Variants in LSM11 observed in about 807,000 individuals in gnomAD.
LSM11 encodes the protein LSM11, U7 small nuclear RNA associated.
LSM11 carries 14 observed loss-of-function variants against 28.1 expected under a neutral mutation model. The observed-to-expected ratio is 0.50, with a 90% CI of 0.33 to 0.78. The LOEUF (loss-of-function observed/expected upper bound fraction) is 0.78. LSM11 is among the 30% of genes least tolerant of loss of function. The pLI, the probability that LSM11 is intolerant of heterozygous loss-of-function variation, is 0.02. For synonymous variants in LSM11, 207 were observed against 214.2 expected, an observed-to-expected ratio of 0.97 and a Z score of 0.30; for missense variants, 495 against 510.6, an observed-to-expected ratio of 0.97 and a Z score of 0.30.
chr5:157,746,493 C>A (rs1234207455), intron 1 of LSM11, among the ~76,000 whole-genome samples: 3 of 152,174 alleles, frequency 2.0e-5, no homozygotes, highest in Admixed American at 2.0e-4. Context: ...TATGAAAAAA[C>A]AAGGAGTGCA....
intron 1 of LSM11, among the ~76,000 whole-genome samples, chr5:157,750,115 G>A (rs1031100779): frequency 5.3e-5 from 8 of 152,082 alleles, no homozygotes; most frequent in African/African-American, 1.2e-4. Context: ...TTGGGGGTGC[G>A]TAGTGCGTGC....
At position 157,757,093 on chromosome 5, in the gene LSM11, G is replaced by A. The variant is rs1057480622; in HGVS notation, c.*1829G>A. On this transcript the variant is annotated 3_prime_UTR_variant, in exon 4 of 4. Transcript: ENST00000286307. ...AGGCAGGAGAATGGGGTGAACCCGG[G>A]AGGCGGAGCTTGCAGTGAGCCAAGA... The A allele has an allele frequency of 2.6e-5, 4 of 152,072 alleles. No homozygotes were observed. The highest frequency in any genetic ancestry group is 7.2e-5 in the African/African-American group (3 of 41,390). The allele number at this position is 152,072 out of a possible 1,614,324, so 9.4% of individuals were successfully genotyped here.
In LSM11 at chr5:157,751,417, T is replaced by C; in HGVS notation, c.476T>C (p.Leu159Pro). ...CACGAAGGCAGCCCTCTGGGTGAAC[T>C]CCATCGCTGTATCCGTGAGGGGGTG... Reference protein sequence around the residue: ...PLHEGSPLGELHRCIREGVKV... With the variant: ...PLHEGSPLGEPHRCIREGVKV... Residue 159 changes from leucine to proline, a missense_variant, in exon 2 of 4, where the codon CTC becomes CCC. Physicochemically the swap from Leu to Pro is moderately conservative, Grantham distance 98. Coordinates refer to ENST00000286307, the MANE Select transcript of LSM11 (RefSeq NM_173491.4). 1 of 1,605,070 alleles carries C rather than the reference T, an allele frequency of 6.2e-7. No homozygotes were observed. Among genetic ancestry groups the C allele is most frequent in the Non-Finnish European group, 8.5e-7 (1 of 1,176,802 alleles).
In LSM11 at chr5:157,749,317, G is replaced by C. The variant is rs1246933034; in HGVS notation, c.449-2073G>C. 2.0e-5 allele frequency among the ~76,000 whole-genome samples: 3 copies of C among 152,136 alleles called. No individual in the cohort carries two copies. The East Asian group carries it at 5.8e-4, about 29-fold the overall frequency. On this transcript the variant is annotated intron_variant, in intron 1 of 3. Transcript: ENST00000286307. ...TCTTTGTATAAACATACATCATAGGGCAGGGGGCAGTATATATGTATGTGT... is the reference window on the plus strand; with the variant it reads ...TCTTTGTATAAACATACATCATAGGCCAGGGGGCAGTATATATGTATGTGT...
Position 157,754,992 on chromosome 5 carries a change from G to A in LSM11, c.811G>A (p.Gly271Ser), listed in dbSNP as rs1248813352. ...TTCAGTGTGGGGAAGAGCAGACACT[G>A]GCCGGGGCTCACACAAGCGTTCCCG... ...LASVWGRADT[G>S]RGSHKRSRSV... is the part of the protein sequence containing the mutation. The change falls in exon 4 of 4, where the codon GGC becomes AGC. Residue 271 changes from glycine (G) to serine (S), a missense_variant. Transcript: ENST00000286307. 1 of 1,614,230 alleles carries A rather than the reference G, an allele frequency of 6.2e-7. No homozygotes were observed. The highest frequency in any genetic ancestry group is 8.5e-7 in the Non-Finnish European group (1 of 1,180,032).
At chr5:157,754,370 C>T (rs1363485895) in intron 3 of LSM11, among the ~76,000 whole-genome samples, 1 of 152,116 alleles carries the variant, frequency 6.6e-6, no homozygotes, top group Non-Finnish European at 1.5e-5. Flanking sequence ...TTTCTCTTGA[C>T]ATATGTATTA....
Position 157,754,931 on chromosome 5 carries a change from G to C in LSM11, c.750G>C (p.Leu250=). The change falls in exon 4 of 4, where the codon CTG becomes CTC. Residue 250 remains leucine, a synonymous_variant. Transcript: ENST00000286307. ...AGTCTGCAGTTGAAGATTCCACTCT[G>C]TCTAGATACTCACAGACATCCACTT... ...DSKSAVEDST[L]SRYSQTSTWK... 1 of 1,614,208 alleles carries C rather than the reference G, an allele frequency of 6.2e-7. No homozygotes were observed. The highest frequency in any genetic ancestry group is 1.1e-5 in the South Asian group (1 of 91,088).
Position 157,757,759 on chromosome 5 carries a change from T to A in LSM11, c.*2495T>A, listed in dbSNP as rs544863059. 26 of 152,368 alleles carry A rather than the reference T, an allele frequency of 1.7e-4. No homozygotes were observed. Among genetic ancestry groups the A allele is most frequent in the Admixed American group, 1.4e-3 (21 of 15,304 alleles). 9.4% of individuals were successfully genotyped at this position (152,368 alleles called of 1,614,324 possible). ...CTCGGCTAGAATGATGTACTCTACTTTCCCAATAAGGTAGAAATTTGGAAT... is the reference window on the plus strand; with the variant it reads ...CTCGGCTAGAATGATGTACTCTACTATCCCAATAAGGTAGAAATTTGGAAT... On this transcript the variant is annotated 3_prime_UTR_variant, in exon 4 of 4. Transcript: ENST00000286307.
intron 1 of LSM11, among the ~76,000 whole-genome samples, chr5:157,749,588 G>GCGCACACACA (rs745839236): frequency 1.4e-5 from 2 of 142,388 alleles, no homozygotes; most frequent in African/African-American, 5.3e-5. Context: ...GCGCACGCGC[G>GCGCACACACA]CACACACACA....
In LSM11 at chr5:157,751,448, G is replaced by A; in HGVS notation, c.507G>A (p.Val169=). 1 of 1,612,608 alleles carries A rather than the reference G, an allele frequency of 6.2e-7. No homozygotes were observed. Among genetic ancestry groups the A allele is most frequent in the Non-Finnish European group, 8.5e-7 (1 of 1,179,498 alleles). The part of the protein sequence containing the change: ...LHRCIREGVK[V]NVHIRTFKGL... ...GCTGTATCCGTGAGGGGGTGAAGGT[G>A]AATGTTCACATCCGCACTTTCAAGG... Residue 169 remains valine (V), a synonymous_variant, in exon 2 of 4, where the codon GTG becomes GTA. Transcript: ENST00000286307.
At chr5:157,752,162 CTTTT>C (rs3045954) in intron 2 of LSM11, among the ~76,000 whole-genome samples, 1 of 140,102 alleles carries the variant, frequency 7.1e-6, no homozygotes, top group Non-Finnish European at 1.6e-5. Flanking sequence ...TGCATGATGT[CTTTT>C]TTTTTTTTTT....
chr5:157,751,419 C>T lies in LSM11; in HGVS notation c.478C>T (p.His160Tyr), dbSNP rs1761229308. ...LHEGSPLGEL[H>Y]RCIREGVKVN... ...CGAAGGCAGCCCTCTGGGTGAACTC[C>T]ATCGCTGTATCCGTGAGGGGGTGAA... is the stretch of plus-strand genomic sequence containing the variant. Residue 160 changes from histidine to tyrosine, a missense_variant, in exon 2 of 4, where the codon CAT (histidine) becomes TAT (tyrosine). His to Tyr is a moderately conservative substitution (Grantham distance 83). Transcript: ENST00000286307. 6.2e-7 allele frequency: 1 copy of T among 1,607,532 alleles called. No individual in the cohort carries two copies. The highest frequency in any genetic ancestry group is 8.5e-7 in the Non-Finnish European group (1 of 1,177,846).
rs546203636 is a variant in LSM11, at chr5:157,745,457, T to G, written c.448+1259T>G. The stretch of plus-strand genomic sequence containing the variant: ...GCCTGGCTGTAACACAAAGACAGTA[T>G]GCTTGTTCCCAAAATGAGAGCAGTT... On this transcript the variant is annotated intron_variant, in intron 1 of 3. Coordinates refer to ENST00000286307, the MANE Select transcript of LSM11 (RefSeq NM_173491.4). 3.9e-5 allele frequency among the ~76,000 whole-genome samples: 6 copies of G among 152,370 alleles called. No homozygotes were observed. The South Asian group carries it at 6.2e-4, about 16-fold the overall frequency.
intron 1 of LSM11, chr5:157,747,630 A>C (rs976358086): frequency 2.5e-5 from 5 of 197,652 alleles, no homozygotes; most frequent in African/African-American, 1.2e-4. Context: ...TGATTGCTGA[A>C]ATAATTTCCC....
Position 157,754,026 on chromosome 5 carries a change from C to T in LSM11, c.611C>T (p.Thr204Ile). ...WNMALTDVDETYRKPVLGKAY... is the reference protein window; with the variant it reads ...WNMALTDVDEIYRKPVLGKAY... ...TAGGCACTTACTGATGTGGATGAGA[C>T]CTACCGAAAACCTGTCCTAGGCAAA... Residue 204 changes from threonine to isoleucine, a missense_variant, in exon 3 of 4, where the codon ACC becomes ATC. Coordinates refer to ENST00000286307, the MANE Select transcript of LSM11 (RefSeq NM_173491.4). 1 of 1,578,164 alleles carries T rather than the reference C, an allele frequency of 6.3e-7. No individual in the cohort carries two copies. The highest frequency in any genetic ancestry group is 8.6e-7 in the Non-Finnish European group (1 of 1,163,290).
chr5:157,745,206 C>A (rs1257323132), intron 1 of LSM11, among the ~76,000 whole-genome samples: 1 of 152,196 alleles, frequency 6.6e-6, no homozygotes, highest in African/African-American at 2.4e-5. Flanking sequence ...ACCTACTTAG[C>A]CATTCAAAGC....
Position 157,751,377 on chromosome 5 carries a change from T to G in LSM11, c.449-13T>G. ...ATATTAAAACTGTCCTGACTGTTCTTCTCTTGTTTCAGTGCACGAAGGCAG... is the reference window on the plus strand; with the variant it reads ...ATATTAAAACTGTCCTGACTGTTCTGCTCTTGTTTCAGTGCACGAAGGCAG... On this transcript the variant is annotated splice_polypyrimidine_tract_variant and intron_variant, in intron 1 of 3. Coordinates refer to ENST00000286307, the MANE Select transcript of LSM11 (RefSeq NM_173491.4). 2 of 1,575,004 alleles carry G rather than the reference T, an allele frequency of 1.3e-6. No individual in the cohort carries two copies. The highest frequency in any genetic ancestry group is 1.4e-5 in the African/African-American group (1 of 72,722).
At position 157,754,919 on chromosome 5, in the gene LSM11, A is replaced by G; in HGVS notation, c.738A>G (p.Glu246=). The G allele has an allele frequency of 1.9e-6, 3 of 1,614,196 alleles. No individual in the cohort carries two copies. Among genetic ancestry groups the G allele is most frequent in the Non-Finnish European group, 2.5e-6 (3 of 1,180,018 alleles). ...AAGCAGATTCTAAGTCTGCAGTTGAAGATTCCACTCTGTCTAGATACTCAC... is the reference window on the plus strand; with the variant it reads ...AAGCAGATTCTAAGTCTGCAGTTGAGGATTCCACTCTGTCTAGATACTCAC... ...KKEADSKSAV[E]DSTLSRYSQT... The change falls in exon 4 of 4, where the codon GAA becomes GAG. Residue 246 remains glutamate, a synonymous_variant. Coordinates refer to ENST00000286307, the MANE Select transcript of LSM11 (RefSeq NM_173491.4).
intron 1 of LSM11, among the ~76,000 whole-genome samples, chr5:157,746,967 G>GA (rs1236946826): frequency 6.6e-6 from 1 of 151,984 alleles, no homozygotes; most frequent in Non-Finnish European, 1.5e-5. Context: ...TACTAAAGAA[G>GA]AAAAAAAGCA....
Sources: allele counts gnomAD v4.1 joint callset (sites outside exome capture counted in the v4.1 genomes callset), GRCh38; gene constraint gnomAD v4.1.1; transcripts MANE v1.5; gene names NCBI Gene and HGNC (gene_info 2026-07-23, HGNC 2026-07-21).